Variants in WDR17 observed in about 807,000 individuals in gnomAD.
The protein encoded by WDR17 is WD repeat domain 17, also known as WD repeat-containing protein 17.
A neutral mutation model predicts 161.7 loss-of-function variants in WDR17; 143 were observed. That is an observed-to-expected ratio of 0.88 (90% CI 0.77 to 1.02). The LOEUF is 1.02. WDR17 is among the 50% of genes least tolerant of loss of function. The pLI, the probability that WDR17 is intolerant of heterozygous loss-of-function variation, is 0.00. For synonymous variants in WDR17, 517 were observed against 515.6 expected (o/e 1.00, Z -0.04); for missense variants, 1,469 against 1,520.9 (o/e 0.97, Z 0.57).
At chr4:176,106,346 C>T (rs187075631) in intron 1 of WDR17, among the ~76,000 whole-genome samples, 1 of 152,064 alleles carries the variant, frequency 6.6e-6, no homozygotes, top group East Asian at 1.9e-4. Context: ...GGCCAAATAT[C>T]TTTTGCCAAG....
chr4:176,122,377 A>G (rs114123242), intron 4 of WDR17, among the ~76,000 whole-genome samples: 2,225 of 152,316 alleles, frequency 0.015, 25 homozygotes, highest in Non-Finnish European at 0.025. Context: ...TAGGACTTTA[A>G]CACCTTTTTT....
chr4:176,090,678 G>T (rs1020141764), intron 1 of WDR17, among the ~76,000 whole-genome samples: 1 of 152,214 alleles, frequency 6.6e-6, no homozygotes, highest in African/African-American at 2.4e-5. Context: ...AGACCCTAGT[G>T]GTGCTAGAGG....
intron 3 of WDR17, 42 bp from the exon 4 acceptor site, chr4:176,119,824 TA>T (rs773358913): frequency 4.6e-6 from 7 of 1,535,728 alleles, no homozygotes; most frequent in East Asian, 4.5e-5. Context: ...GGTGTAATCT[TA>T]TGCTGTATCT....
intron 1 of WDR17, among the ~76,000 whole-genome samples, chr4:176,081,137 C>G (rs1048652891): frequency 3.3e-5 from 5 of 152,002 alleles, no homozygotes; most frequent in African/African-American, 1.2e-4. Flanking sequence ...GTTTTGCTAC[C>G]CTGTCCCCCA....
intron 1 of WDR17, among the ~76,000 whole-genome samples, chr4:176,095,280 A>C (rs1228839373): frequency 2.0e-5 from 3 of 152,176 alleles, no homozygotes; most frequent in African/African-American, 7.2e-5. Context: ...CTAGAAGAGC[A>C]GGGCAGAATA....
At chr4:176,082,373 C>G (rs1430715440) in intron 1 of WDR17, among the ~76,000 whole-genome samples, 2 of 151,974 alleles carry the variant, frequency 1.3e-5, no homozygotes, top group African/African-American at 4.8e-5. Context: ...ATGAAGAAGG[C>G]TGTAAGTAAT....
chr4:176,135,762 T>G (rs2126771813), intron 8 of WDR17, among the ~76,000 whole-genome samples: 1 of 151,724 alleles, frequency 6.6e-6, no homozygotes, highest in South Asian at 2.1e-4. Flanking sequence ...TATACCTTGC[T>G]GTACATATAA....
intron 4 of WDR17, among the ~76,000 whole-genome samples, chr4:176,123,550 G>T (rs1030492204): frequency 6.6e-6 from 1 of 152,140 alleles, no homozygotes; most frequent in African/African-American, 2.4e-5. Flanking sequence ...GTTTGCTAGA[G>T]TAGCTCACAA....
At chr4:176,173,720 T>C (rs1158559758) in intron 25 of WDR17, among the ~76,000 whole-genome samples, 1 of 152,054 alleles carries the variant, frequency 6.6e-6, no homozygotes, top group Non-Finnish European at 1.5e-5. Flanking sequence ...TTTTACCATG[T>C]TGGCCAGGAT....
chr4:176,162,133 G>C lies in WDR17; in HGVS notation c.2809G>C (p.Val937Leu), dbSNP rs1444122334. 1.2e-6 allele frequency: 2 copies of C among 1,613,256 alleles called. No individual in the cohort carries two copies. The highest frequency in any genetic ancestry group is 2.2e-5 in the South Asian group (2 of 91,016). The change falls in exon 21 of 29, where the codon GTA becomes CTA. Residue 937 changes from valine (V) to leucine (L), a missense_variant. By Grantham distance (32) the Val-to-Leu change is conservative. Transcript: ENST00000508596. ...AEWYFQDGRA[V>L]LAACCHLAID... ...ATGGTATTTTCAAGATGGTCGAGCA[G>C]TACTAGCCGCATGTTGCCATCTTGC...
At chr4:176,094,869 A>G (rs1239229967) in intron 1 of WDR17, among the ~76,000 whole-genome samples, 2 of 152,208 alleles carry the variant, frequency 1.3e-5, no homozygotes, top group African/African-American at 4.8e-5. Flanking sequence ...TGTAAGAGAA[A>G]GAATATTTGG....
At chr4:176,101,477 A>G (rs1737819191) in intron 1 of WDR17, among the ~76,000 whole-genome samples, 2 of 152,330 alleles carry the variant, frequency 1.3e-5, no homozygotes, top group Non-Finnish European at 2.9e-5. Flanking sequence ...CCAGAGTCAG[A>G]TACGACAGAA....
At chr4:176,069,017 G>T (rs900880045) in intron 1 of WDR17, among the ~76,000 whole-genome samples, 1 of 152,096 alleles carries the variant, frequency 6.6e-6, no homozygotes, top group African/African-American at 2.4e-5. Flanking sequence ...TTCCCATCAC[G>T]ATTAATTAGA....
At chr4:176,146,243 A>C (rs997032788) in intron 12 of WDR17, 84 bp downstream of exon 12, 1 of 1,401,820 alleles carries the variant, frequency 7.1e-7, no homozygotes. Context: ...TATAGGAGAT[A>C]TATAGATATA....
At chr4:176,077,250 A>G (rs1417364345) in intron 1 of WDR17, among the ~76,000 whole-genome samples, 3 of 150,970 alleles carry the variant, frequency 2.0e-5, no homozygotes, top group Non-Finnish European at 4.4e-5. Flanking sequence ...AAGGATAGAA[A>G]AGGTACATGA....
chr4:176,173,815 G>A (rs947825149), intron 25 of WDR17, among the ~76,000 whole-genome samples: 3 of 151,242 alleles, frequency 2.0e-5, no homozygotes, highest in African/African-American at 7.3e-5. Flanking sequence ...GCGCCTGGCC[G>A]TTTGTTATGT....
chr4:176,086,332 A>G (rs1008427883), intron 1 of WDR17, among the ~76,000 whole-genome samples: 1 of 151,902 alleles, frequency 6.6e-6, no homozygotes. Context: ...TTCAGATCCT[A>G]TGGGGTTTTA....
At chr4:176,159,220 G>A (rs28692525) in intron 18 of WDR17, among the ~76,000 whole-genome samples, 15,689 of 151,620 alleles carry the variant, frequency 0.1, 1,770 homozygotes, top group African/African-American at 0.27. Flanking sequence ...ATTAGCTAGG[G>A]GGTTAGTCAT....
chr4:176,146,288 C>T lies in WDR17; in HGVS notation c.1694+129C>T, dbSNP rs528968336. The T allele has an allele frequency of 8.4e-6, 8 of 954,948 alleles. No individual in the cohort carries two copies. In the South Asian group the frequency reaches 1.7e-4, roughly 21 times the overall value. 59.2% of individuals were successfully genotyped at this position (954,948 alleles called of 1,614,324 possible). A position where few individuals can be genotyped will look rare whatever the true frequency, so the allele number is the denominator to read the frequency against. ...TCCCTCTGTCACCCAGGCTGGAATG[C>T]AGTGGCGTGATCGTGGTTTACTGCA... On this transcript the variant is annotated intron_variant, in intron 12 of 28. Coordinates refer to ENST00000508596, the MANE Select transcript of WDR17 (RefSeq NM_181265.4).
Sources: allele counts gnomAD v4.1 joint callset (sites outside exome capture counted in the v4.1 genomes callset), GRCh38; gene constraint gnomAD v4.1.1; transcripts MANE v1.5; gene names NCBI Gene and HGNC (gene_info 2026-07-23, HGNC 2026-07-21).